UBE2E2: variants seen among roughly 807,000 people sequenced by gnomAD.
The protein encoded by UBE2E2 is ubiquitin conjugating enzyme E2 E2, also known as ubiquitin-conjugating enzyme E2 E2.
In UBE2E2, 6 loss-of-function variants were observed where a neutral mutation model predicts 24.7. The ratio of observed to expected loss-of-function variants is 0.24; its 90% CI spans 0.13 to 0.48. UBE2E2 has a LOEUF of 0.48. Ranked by LOEUF, UBE2E2 falls within the 20% of genes least tolerant of loss-of-function variation. The pLI, the probability that UBE2E2 is intolerant of heterozygous loss-of-function variation, is 0.99. For missense variants in UBE2E2, 169 were observed against 245.0 expected (o/e 0.69, Z 2.07); for synonymous variants, 104 against 83.6 (o/e 1.24, Z -1.33).
At chr3:23,415,435 T>C (rs943306599) in intron 3 of UBE2E2, among the ~76,000 whole-genome samples, 2 of 152,236 alleles carry the variant, frequency 1.3e-5, no homozygotes, top group Non-Finnish European at 2.9e-5. Context: ...CATCCTTTGC[T>C]ACCATAGTAT....
intron 3 of UBE2E2, among the ~76,000 whole-genome samples, chr3:23,243,411 T>C (rs534032566): frequency 3.1e-4 from 47 of 152,292 alleles, no homozygotes; most frequent in Non-Finnish European, 5.6e-4. Context: ...AGCCTCAGTG[T>C]TCCCCTCAGA....
intron 3 of UBE2E2, among the ~76,000 whole-genome samples, chr3:23,236,684 T>C (rs1255545208): frequency 6.6e-6 from 1 of 152,138 alleles, no homozygotes; most frequent in Non-Finnish European, 1.5e-5. Context: ...ATTTTTGCCG[T>C]TGAGAAAGCT....
At chr3:23,256,261 A>T (rs141761669) in intron 3 of UBE2E2, among the ~76,000 whole-genome samples, 1 of 152,232 alleles carries the variant, frequency 6.6e-6, no homozygotes, top group Non-Finnish European at 1.5e-5. Context: ...TTGTATTTAT[A>T]GTCTCATCAT....
intron 3 of UBE2E2, among the ~76,000 whole-genome samples, chr3:23,239,217 A>C (rs1162626656): frequency 6.6e-6 from 1 of 152,140 alleles, no homozygotes; most frequent in Non-Finnish European, 1.5e-5. Context: ...TAAGTTATCG[A>C]GGTAATAGGA....
chr3:23,524,871 C>G (rs539230415), intron 4 of UBE2E2, among the ~76,000 whole-genome samples: 15 of 151,068 alleles, frequency 9.9e-5, no homozygotes, highest in African/African-American at 3.4e-4. Flanking sequence ...CACAGACACA[C>G]ACACACACAC....
intron 3 of UBE2E2, among the ~76,000 whole-genome samples, chr3:23,473,954 T>C (rs1233865299): frequency 1.3e-5 from 2 of 152,096 alleles, no homozygotes; most frequent in African/African-American, 2.4e-5. Flanking sequence ...GGTAGTTCTA[T>C]TTTTAGTTCT....
intron 3 of UBE2E2, among the ~76,000 whole-genome samples, chr3:23,481,554 G>A (rs920590495): frequency 6.6e-6 from 1 of 152,150 alleles, no homozygotes; most frequent in Non-Finnish European, 1.5e-5. Flanking sequence ...TCCCCTAATG[G>A]TTAGGGATTG....
rs138834665 is a variant in UBE2E2 at position 23,545,102 on chromosome 3, C to T, written c.508+12401C>T. Among the ~76,000 whole-genome samples the T allele has an allele frequency of 8.1e-3, 1,227 of 152,272 alleles. 15 individuals are homozygous for T. Among genetic ancestry groups the T allele is most frequent in the African/African-American group, 0.028 (1,143 of 41,534 alleles). ...TGGAACTTACAATCGAGTTTTATAC[C>T]GAGACATTCCATTGCCCAGGGACGG... On this transcript the variant is annotated intron_variant, in intron 5 of 5. Transcript: ENST00000396703.
chr3:23,351,676 A>G (rs921681485), intron 3 of UBE2E2, among the ~76,000 whole-genome samples: 14 of 152,216 alleles, frequency 9.2e-5, no homozygotes, highest in Non-Finnish European at 1.6e-4. Context: ...TTCAACAAGA[A>G]GAGCTAACTA....
At chr3:23,257,509 C>T (rs1188235997) in intron 3 of UBE2E2, among the ~76,000 whole-genome samples, 2 of 51,954 alleles carry the variant, frequency 3.8e-5, no homozygotes, top group African/African-American at 6.5e-5. Context: ...GGCTGTTTCC[C>T]GTGCCCCCCC....
At chr3:23,347,079 CT>C (rs1305320566) in intron 3 of UBE2E2, among the ~76,000 whole-genome samples, 1 of 152,174 alleles carries the variant, frequency 6.6e-6, no homozygotes, top group Non-Finnish European at 1.5e-5. Flanking sequence ...CCCACCTCCA[CT>C]TTCTGCTGTT....
chr3:23,270,475 C>G (rs1481117301), intron 3 of UBE2E2, among the ~76,000 whole-genome samples: 2 of 152,124 alleles, frequency 1.3e-5, no homozygotes, highest in African/African-American at 4.8e-5. Flanking sequence ...TTAGGGGAAA[C>G]ACTCGTTCTG....
At chr3:23,270,908 A>T (rs1304257123) in intron 3 of UBE2E2, 1 of 456,286 alleles carries the variant, frequency 2.2e-6, no homozygotes, top group Non-Finnish European at 4.4e-6. Flanking sequence ...AACATTTATG[A>T]AATCCTGCTG....
At chr3:23,509,781 A>G (rs923088759) in intron 4 of UBE2E2, among the ~76,000 whole-genome samples, 1 of 127,650 alleles carries the variant, frequency 7.8e-6, no homozygotes, top group African/African-American at 3.0e-5. Flanking sequence ...CCTGTGTCCA[A>G]ATGTTCTCAT....
chr3:23,506,032 G>C lies in UBE2E2; in HGVS notation c.360+6292G>C, dbSNP rs145204492. Among the ~76,000 whole-genome samples the C allele has an allele frequency of 1.5e-4, 23 of 152,254 alleles. 1 individual carries two copies. In the East Asian group the frequency reaches 4.4e-3, roughly 29 times the overall value. On this transcript the variant is annotated intron_variant, in intron 4 of 5. Coordinates refer to ENST00000396703, the MANE Select transcript of UBE2E2 (RefSeq NM_152653.4). The stretch of plus-strand genomic sequence containing the variant: ...TACTCTAGATTATTATTATGTACTT[G>C]TTTTTATTGTTAATGCTACTACTCA...
intron 3 of UBE2E2, among the ~76,000 whole-genome samples, chr3:23,248,107 C>G (rs1697465960): frequency 7.4e-6 from 1 of 134,412 alleles, no homozygotes; most frequent in African/African-American, 2.8e-5. Context: ...ATCATGATGC[C>G]CATCTTTTTT....
chr3:23,380,514 G>A (rs746413946), intron 3 of UBE2E2, among the ~76,000 whole-genome samples: 2 of 152,138 alleles, frequency 1.3e-5, no homozygotes, highest in Non-Finnish European at 2.9e-5. Context: ...GTGAGCCACC[G>A]GTGCCCAGCC....
chr3:23,364,370 T>C (rs1275733357), intron 3 of UBE2E2, among the ~76,000 whole-genome samples: 1 of 151,796 alleles, frequency 6.6e-6, no homozygotes, highest in African/African-American at 2.4e-5. Context: ...AAGATTGATA[T>C]GCCACTAGCG....
chr3:23,392,455 G>A (rs1349411168), intron 3 of UBE2E2, among the ~76,000 whole-genome samples: 2 of 151,960 alleles, frequency 1.3e-5, no homozygotes, highest in South Asian at 2.1e-4. Context: ...TTAGCCTTGG[G>A]TGAACTGTTG....
Sources: gnomAD v4.1 joint callset for allele counts (sites outside exome capture counted in the v4.1 genomes callset) on GRCh38, gnomAD v4.1.1 for gene constraint, MANE v1.5 for transcripts, NCBI Gene and HGNC (gene_info 2026-07-23, HGNC 2026-07-21) for gene names.